NLRC5: variants seen among roughly 807,000 people sequenced by gnomAD.
NLRC5 encodes the protein protein NLRC5.
In NLRC5, 114 loss-of-function variants were observed where a neutral mutation model predicts 206.9. The observed-to-expected ratio is 0.55, with a 90% CI of 0.47 to 0.64. The LOEUF (loss-of-function observed/expected upper bound fraction) is 0.64, where lower values mean the gene tolerates loss of function less well. Ranked by LOEUF, NLRC5 falls within the 30% of genes least tolerant of loss-of-function variation. The pLI is 0.00. For missense variants in NLRC5, 2,008 were observed against 2,305.5 expected (o/e 0.87, Z 2.64); for synonymous variants, 952 against 962.8 (o/e 0.99, Z 0.21).
intron 20 of NLRC5, 80 bp downstream of exon 20, chr16:57,043,684 C>A: frequency 8.9e-7 from 1 of 1,118,368 alleles, no homozygotes; most frequent in Non-Finnish European, 1.4e-6. Context: ...GCCCCTTGTC[C>A]ACCAGTTTCA....
intron 43 of NLRC5, among the ~76,000 whole-genome samples, chr16:57,078,633 G>A (rs2068745449): frequency 6.6e-6 from 1 of 151,978 alleles, no homozygotes; most frequent in Non-Finnish European, 1.5e-5. Context: ...ACCATGCCCA[G>A]CTAATTTTTG....
intron 32 of NLRC5, among the ~76,000 whole-genome samples, chr16:57,064,589 A>T (rs958983441): frequency 6.6e-6 from 1 of 152,032 alleles, no homozygotes; most frequent in Admixed American, 6.5e-5. Flanking sequence ...TGGTTTCCTT[A>T]CCTTTGTGAT....
chr16:57,050,924 C>T (rs1344451494), intron 23 of NLRC5, among the ~76,000 whole-genome samples: 2 of 152,174 alleles, frequency 1.3e-5, no homozygotes, highest in Non-Finnish European at 2.9e-5. Context: ...ACGATCTTGG[C>T]TCACTGCAAC....
At chr16:57,053,957 G>T (rs568030229) in intron 24 of NLRC5, among the ~76,000 whole-genome samples, 27 of 152,232 alleles carry the variant, frequency 1.8e-4, no homozygotes, top group African/African-American at 6.5e-4. Flanking sequence ...ATCACTGCTG[G>T]GGTGGGATAG....
In NLRC5 at chr16:57,057,489, G is replaced by A. The variant is rs74339109; in HGVS notation, c.3747-576G>A. Among the ~76,000 whole-genome samples the A allele has an allele frequency of 0.014, 2,208 of 152,342 alleles. 120 individuals are homozygous for A. In the East Asian group the frequency reaches 0.19, roughly 13 times the overall value. On this transcript the variant is annotated intron_variant, in intron 27 of 48. Coordinates refer to ENST00000688547, the MANE Select transcript of NLRC5 (RefSeq NM_001384950.1). ...AGGGAAGTAAGAAACTTCAGGTGAGGTTTCCAATATTGATATTGCATTCCC... is the reference window on the plus strand; with the variant it reads ...AGGGAAGTAAGAAACTTCAGGTGAGATTTCCAATATTGATATTGCATTCCC...
At chr16:57,040,296 T>C (rs1333948372) in intron 16 of NLRC5, among the ~76,000 whole-genome samples, 4 of 152,072 alleles carry the variant, frequency 2.6e-5, no homozygotes, top group African/African-American at 9.7e-5. Flanking sequence ...CCACCCACAA[T>C]CTCTTCTGTA....
chr16:57,002,338 G>T (rs1469338089), intron 1 of NLRC5, among the ~76,000 whole-genome samples: 2 of 152,000 alleles, frequency 1.3e-5, no homozygotes, highest in East Asian at 3.9e-4. Flanking sequence ...AGTAGAGGAG[G>T]GGTTTTGCCA....
In NLRC5 at chr16:57,025,918, C is replaced by T. The variant is rs1284165998; in HGVS notation, c.975C>T (p.Leu325=). Residue 325 remains leucine (L), a synonymous_variant, in exon 6 of 49, where the codon CTC becomes CTT. Transcript: ENST00000688547. ...PMGPDGPGPV[L]TLFSHLCNGT... ...GTCCTGATGGCCCAGGCCCAGTCCTCACCCTTTTCTCCCATCTCTGCAATG... is the reference window on the plus strand; with the variant it reads ...GTCCTGATGGCCCAGGCCCAGTCCTTACCCTTTTCTCCCATCTCTGCAATG... 6.2e-7 allele frequency: 1 copy of T among 1,614,092 alleles called. No homozygotes were observed. The highest frequency in any genetic ancestry group is 8.5e-7 in the Non-Finnish European group (1 of 1,180,042).
chr16:57,029,920 C>T lies in NLRC5; in HGVS notation c.2327+64C>T, dbSNP rs140506482. ...CTCTATACCTGATTCACCCCACTCC[C>T]TTGCAAGGCAAGGAAGGTCTGGGGC... On this transcript the variant is annotated intron_variant, in intron 9 of 48. Coordinates refer to ENST00000688547, the MANE Select transcript of NLRC5 (RefSeq NM_001384950.1). 5.2e-5 allele frequency: 83 copies of T among 1,607,992 alleles called. No homozygotes were observed. In the African/African-American group the frequency reaches 8.9e-4, roughly 17 times the overall value.
chr16:57,071,313 G>GC (rs2067718313), intron 38 of NLRC5, among the ~76,000 whole-genome samples: 1 of 135,502 alleles, frequency 7.4e-6, no homozygotes, highest in Non-Finnish European at 1.6e-5. Context: ...GAGTGGTGAT[G>GC]GTTGGTTAAT....
chr16:57,028,280 A>G (rs2061451336), intron 7 of NLRC5, 22 bp from the exon 8 acceptor site: 4 of 1,610,746 alleles, frequency 2.5e-6, no homozygotes, highest in South Asian at 1.1e-5. Flanking sequence ...GTTCCTCCCC[A>G]CCATCTTTGC....
In NLRC5 at chr16:57,005,616, T is replaced by A. The variant is rs745480694; in HGVS notation, c.-127-11458T>A. ...AACTTAATTTTCATTAGATAACACA[T>A]GCATATGGTATAACATTCTAGGCCA... On this transcript the variant is annotated intron_variant, in intron 1 of 48. Coordinates refer to ENST00000688547, the MANE Select transcript of NLRC5 (RefSeq NM_001384950.1). 3.6e-4 allele frequency among the ~76,000 whole-genome samples: 55 copies of A among 151,970 alleles called. 1 individual carries two copies. Among genetic ancestry groups the A allele is most frequent in the Middle Eastern group, 6.8e-3 (2 of 294 alleles).
chr16:57,044,744 C>A (rs1420808540), intron 20 of NLRC5, among the ~76,000 whole-genome samples: 1 of 151,510 alleles, frequency 6.6e-6, no homozygotes, highest in East Asian at 1.9e-4. Context: ...CATGGTGAGA[C>A]CCCCCCATCT....
intron 23 of NLRC5, among the ~76,000 whole-genome samples, chr16:57,048,590 A>AG (rs1338761061): frequency 6.6e-6 from 1 of 152,004 alleles, no homozygotes; most frequent in Non-Finnish European, 1.5e-5. Context: ...CTGGAGTGCA[A>AG]TGGCGTGATC....
At position 57,058,156 on chromosome 16, in the gene NLRC5, G is replaced by T. The variant is rs2065935917; in HGVS notation, c.3830+8G>T. The T allele has an allele frequency of 6.2e-7, 1 of 1,602,972 alleles. No homozygotes were observed. ...CATCTCCGGTTTGCTTGAGTAAGTG[G>T]AAAGCAGCATAAAGGACAGATAGCA... On this transcript the variant is annotated splice_region_variant and intron_variant, in intron 28 of 48. Coordinates refer to ENST00000688547, the MANE Select transcript of NLRC5 (RefSeq NM_001384950.1).
In NLRC5 at chr16:57,025,662, G is replaced by T; in HGVS notation, c.719G>T (p.Arg240Leu). 1 of 1,614,164 alleles carries T rather than the reference G, an allele frequency of 6.2e-7. No individual in the cohort carries two copies. Among genetic ancestry groups the T allele is most frequent in the Non-Finnish European group, 8.5e-7 (1 of 1,180,026 alleles). The change falls in exon 6 of 49, where the codon CGG becomes CTG. Residue 240 changes from arginine to leucine, a missense_variant. Arg to Leu is a moderately radical substitution (Grantham distance 102). Transcript: ENST00000688547. ...AGMGKTTLAH[R>L]LCQKWAEGHL... Reference sequence around the variant, plus strand: ...ATGGGCAAGACCACGCTGGCCCACCGGCTCTGCCAGAAGTGGGCAGAGGGC... The same window carrying T: ...ATGGGCAAGACCACGCTGGCCCACCTGCTCTGCCAGAAGTGGGCAGAGGGC...
chr16:57,000,817 A>T (rs554080537), intron 1 of NLRC5, among the ~76,000 whole-genome samples: 68 of 152,266 alleles, frequency 4.5e-4, no homozygotes, highest in African/African-American at 1.6e-3. Context: ...GGAAATGGCC[A>T]CTAACCATTC....
rs1335839653 is a variant in NLRC5, at chr16:57,067,562, T to G, written c.4406+92T>G. ...CATGTGTGACCCTGGCATTCTCACT[T>G]CCTTGTGCAGGAGAAAATCACACTT... On this transcript the variant is annotated intron_variant, in intron 35 of 48. Transcript: ENST00000688547. 9.8e-6 allele frequency: 14 copies of G among 1,423,884 alleles called. No homozygotes were observed. In the African/African-American group the frequency reaches 2.0e-4, roughly 20 times the overall value. 88.2% of individuals were successfully genotyped at this position (1,423,884 alleles called of 1,614,324 possible).
chr16:57,020,979 G>A lies in NLRC5; in HGVS notation c.267G>A (p.Leu89=), dbSNP rs573651232. 1.9e-6 allele frequency: 3 copies of A among 1,613,850 alleles called. No homozygotes were observed. The African/African-American group carries it at 4.0e-5, about 22-fold the overall frequency. The change falls in exon 3 of 49, where the codon CTG becomes CTA. Residue 89 remains leucine (L), a synonymous_variant. Transcript: ENST00000688547. ...AGGTGCCTCTGGACCTGGAGGTGCT[G>A]CTGCTGAGTACTTTTGGCTATGATG... The part of the protein sequence containing the change: ...QLEVPLDLEV[L]LLSTFGYDDG...
Sources: allele counts gnomAD v4.1 joint callset (sites outside exome capture counted in the v4.1 genomes callset), GRCh38; gene constraint gnomAD v4.1.1; transcripts MANE v1.5; gene names NCBI Gene and HGNC (gene_info 2026-07-23, HGNC 2026-07-21).